The following GUCY1A2 variants were observed in gnomAD, a reference collection of about 807,000 sequenced individuals.
The protein encoded by GUCY1A2 is guanylate cyclase 1 soluble subunit alpha 2.
Under a neutral mutation model 63.5 loss-of-function variants are expected in GUCY1A2, and 27 were observed. That is an observed-to-expected ratio of 0.43 (90% CI 0.31 to 0.59). GUCY1A2 has a LOEUF of 0.59. Among genes scored for constraint, GUCY1A2 ranks in the 20% least tolerant of loss-of-function variants. GUCY1A2 has a pLI of 0.11. For synonymous variants in GUCY1A2, 364 were observed against 343.5 expected, an observed-to-expected ratio of 1.06 and a Z score of -0.66; for missense variants, 768 against 913.3, an observed-to-expected ratio of 0.84 and a Z score of 2.05.
rs1862348476 is a variant in GUCY1A2 at position 106,676,483 on chromosome 11, A to C, written c.*11066T>G. On this transcript the variant is annotated 3_prime_UTR_variant, in exon 8 of 8. Coordinates refer to ENST00000526355, the MANE Select transcript of GUCY1A2 (RefSeq NM_000855.3). Reference sequence around the variant, plus strand: ...ATCTGAATATAGGTTTAAAACCTCAAAGACACAGAGCTAAGAAATATGGAA... The same window carrying C: ...ATCTGAATATAGGTTTAAAACCTCACAGACACAGAGCTAAGAAATATGGAA... 1 of 186,750 alleles carries C rather than the reference A, an allele frequency of 5.4e-6. No individual in the cohort carries two copies. Among genetic ancestry groups the C allele is most frequent in the South Asian group, 2.0e-4 (1 of 5,122 alleles). The allele number at this position is 186,750 out of a possible 1,614,324, so 11.6% of individuals were successfully genotyped here. A position where few individuals can be genotyped will look rare whatever the true frequency, so the allele number is the denominator to read the frequency against.
At position 106,761,604 on chromosome 11, in the gene GUCY1A2, C is replaced by G. The variant is rs117067215; in HGVS notation, c.1836+14835G>C. On this transcript the variant is annotated intron_variant, in intron 6 of 7. Transcript: ENST00000526355. ...TGAGATAATTTTTAAATCTAAATAT[C>G]AATCTACTTGAACACACTAATAACT... 1.2e-3 allele frequency among the ~76,000 whole-genome samples: 180 copies of G among 152,228 alleles called. 6 individuals are homozygous for G. In the East Asian group the frequency reaches 0.026, roughly 22 times the overall value.
rs182279820 is a variant in GUCY1A2 at position 106,697,371 on chromosome 11, T to C, written c.1992-9615A>G. On this transcript the variant is annotated intron_variant, in intron 7 of 7. Coordinates refer to ENST00000526355, the MANE Select transcript of GUCY1A2 (RefSeq NM_000855.3). ...TGGGAAGAACTGACTGCTAAAAGAT[T>C]AAGGCCCAGTTAAGACTGGTTTCAA... 2.0e-5 allele frequency among the ~76,000 whole-genome samples: 3 copies of C among 152,346 alleles called. No homozygotes were observed. In the East Asian group the frequency reaches 5.8e-4, roughly 29 times the overall value.
intron 5 of GUCY1A2, among the ~76,000 whole-genome samples, chr11:106,797,401 G>A (rs1314340967): frequency 2.0e-5 from 3 of 151,976 alleles, no homozygotes; most frequent in African/African-American, 7.2e-5. Context: ...GGATATCCAG[G>A]AATTGAACTC....
intron 4 of GUCY1A2, among the ~76,000 whole-genome samples, chr11:106,820,834 T>A (rs1282848817): frequency 6.6e-6 from 1 of 152,208 alleles, no homozygotes; most frequent in East Asian, 1.9e-4. Context: ...ATTCAATAGA[T>A]TGAAATGTTG....
intron 6 of GUCY1A2, among the ~76,000 whole-genome samples, chr11:106,709,627 ATTATATACACGTATAGAATATATAG>A (rs1206842964): frequency 0.05 from 1,523 of 30,160 alleles, 542 homozygotes; most frequent in African/African-American, 0.089. Flanking sequence ...ACGTGTATAT[ATTATATACACGTATAGAATATATAG>A]TTATATACAC....
chr11:106,947,014 C>T (rs915319551), intron 3 of GUCY1A2, among the ~76,000 whole-genome samples: 1 of 151,852 alleles, frequency 6.6e-6, no homozygotes, highest in Admixed American at 6.6e-5. Flanking sequence ...GTCAGGAATT[C>T]GAGACCAGCC....
chr11:106,799,980 G>T (rs1236027498), intron 5 of GUCY1A2, among the ~76,000 whole-genome samples: 4 of 152,064 alleles, frequency 2.6e-5, no homozygotes, highest in African/African-American at 9.7e-5. Flanking sequence ...GAAAATTTTT[G>T]CAATTTACTC....
At chr11:106,955,880 C>T (rs1860977589) in intron 3 of GUCY1A2, among the ~76,000 whole-genome samples, 1 of 152,124 alleles carries the variant, frequency 6.6e-6, no homozygotes, top group Non-Finnish European at 1.5e-5. Flanking sequence ...GGATAATATT[C>T]TGAAGTGTGT....
intron 6 of GUCY1A2, among the ~76,000 whole-genome samples, chr11:106,761,772 A>T (rs1001408078): frequency 3.3e-5 from 5 of 152,146 alleles, no homozygotes; most frequent in African/African-American, 1.2e-4. Flanking sequence ...GATAAACTGT[A>T]TATTTTTAAA....
At chr11:106,844,361 G>A (rs1026206085) in intron 4 of GUCY1A2, among the ~76,000 whole-genome samples, 5 of 151,680 alleles carry the variant, frequency 3.3e-5, no homozygotes, top group East Asian at 1.9e-4. Flanking sequence ...TTATGAGTTC[G>A]GAATATGTGC....
In GUCY1A2 at chr11:106,675,191, C is replaced by G; in HGVS notation, c.*12358G>C. The G allele has an allele frequency of 4.9e-6, 1 of 203,112 alleles. No individual in the cohort carries two copies. The highest frequency in any genetic ancestry group is 7.5e-5 in the East Asian group (1 of 13,312). The allele number at this position is 203,112 out of a possible 1,614,324, so 12.6% of individuals were successfully genotyped here. A position where few individuals can be genotyped will look rare whatever the true frequency, so the allele number is the denominator to read the frequency against. ...AAAGCATAATGAGACAGTTTTGTCA[C>G]TTAATTACCGAAGTTATAATGTAGC... is the stretch of plus-strand genomic sequence containing the variant. On this transcript the variant is annotated 3_prime_UTR_variant, in exon 8 of 8. Coordinates refer to ENST00000526355, the MANE Select transcript of GUCY1A2 (RefSeq NM_000855.3).
chr11:106,787,590 A>AAGGGGAGGGTGAGGGAGGGGGGAGG (rs1467616013), intron 5 of GUCY1A2, among the ~76,000 whole-genome samples: 145 of 135,682 alleles, frequency 1.1e-3, no homozygotes, highest in Non-Finnish European at 1.4e-3. Context: ...AAGAAAAAGG[A>AAGGGGAGGGTGAGGGAGGGGGGAGG]AGGGAAGGGA....
Position 106,678,962 on chromosome 11 carries a change from G to A in GUCY1A2, c.*8587C>T, listed in dbSNP as rs1237927759. 5 of 189,360 alleles carry A rather than the reference G, an allele frequency of 2.6e-5. No individual in the cohort carries two copies. The highest frequency in any genetic ancestry group is 1.2e-4 in the African/African-American group (5 of 42,852). 11.7% of individuals were successfully genotyped at this position (189,360 alleles called of 1,614,324 possible). On this transcript the variant is annotated 3_prime_UTR_variant, in exon 8 of 8. Coordinates refer to ENST00000526355, the MANE Select transcript of GUCY1A2 (RefSeq NM_000855.3). ...TTCACAATTAAGTGTTATCATCAGA[G>A]GATAAAACTCTAAGGAACCTAGAAA... is the stretch of plus-strand genomic sequence containing the variant.
intron 4 of GUCY1A2, among the ~76,000 whole-genome samples, chr11:106,922,089 G>T (rs1860451809): frequency 6.6e-6 from 1 of 152,104 alleles, no homozygotes; most frequent in South Asian, 2.1e-4. Context: ...TGCCTAGGTT[G>T]CTTTCCTCAT....
At chr11:106,794,927 T>C (rs1591280222) in intron 5 of GUCY1A2, among the ~76,000 whole-genome samples, 2 of 152,166 alleles carry the variant, frequency 1.3e-5, no homozygotes, top group South Asian at 2.1e-4. Flanking sequence ...CTGATCTTGG[T>C]CTTCTTTCAT....
rs116163444 is a variant in GUCY1A2 at position 106,761,183 on chromosome 11, A to C, written c.1836+15256T>G. 7.9e-3 allele frequency among the ~76,000 whole-genome samples: 1,211 copies of C among 152,344 alleles called. 15 individuals carry two copies. Among genetic ancestry groups the C allele is most frequent in the African/African-American group, 0.027 (1,118 of 41,584 alleles). On this transcript the variant is annotated intron_variant, in intron 6 of 7. Coordinates refer to ENST00000526355, the MANE Select transcript of GUCY1A2 (RefSeq NM_000855.3). ...ACATGTTCAGATCCTATTGCTAACT[A>C]GTTAGATAACTTAAGTATAATCAAA...
At chr11:106,842,481 T>C (rs1396056267) in intron 4 of GUCY1A2, among the ~76,000 whole-genome samples, 2 of 152,058 alleles carry the variant, frequency 1.3e-5, no homozygotes, top group Non-Finnish European at 2.9e-5. Flanking sequence ...CTGCATTCTA[T>C]ATTCCTATAT....
intron 1 of GUCY1A2, among the ~76,000 whole-genome samples, chr11:106,998,655 A>G (rs1465846674): frequency 1.3e-5 from 2 of 152,166 alleles, no homozygotes; most frequent in African/African-American, 4.8e-5. Flanking sequence ...TATTACCACA[A>G]CACATATTAA....
rs1019888018 is a variant in GUCY1A2, at chr11:106,829,024, C to A, written c.1207-18546G>T. Among the ~76,000 whole-genome samples, 3 of 152,188 alleles carry A rather than the reference C, an allele frequency of 2.0e-5. No individual in the cohort carries two copies. In the East Asian group the frequency reaches 5.8e-4, roughly 29 times the overall value. ...TTTTATAAGAGGAATTATATGATTG[C>A]TTTGTTTCCAATTTGGAGATTTGAG... On this transcript the variant is annotated intron_variant, in intron 4 of 7. Transcript: ENST00000526355.
Sources: allele counts gnomAD v4.1 joint callset (sites outside exome capture counted in the v4.1 genomes callset), GRCh38; gene constraint gnomAD v4.1.1; transcripts MANE v1.5; gene names NCBI Gene and HGNC (gene_info 2026-07-23, HGNC 2026-07-21).